MYH15: variants seen among roughly 807,000 people sequenced by gnomAD.
The protein encoded by MYH15 is myosin heavy chain 15, also known as myosin-15.
A neutral mutation model predicts 240.5 loss-of-function variants in MYH15; 227 were observed. The ratio of observed to expected loss-of-function variants is 0.94; its 90% CI spans 0.85 to 1.05. MYH15 has a LOEUF of 1.05. MYH15 is among the 50% of genes least tolerant of loss of function. The pLI is 0.00. For synonymous variants in MYH15, 785 were observed against 796.7 expected, an observed-to-expected ratio of 0.99 and a Z score of 0.25; for missense variants, 2,217 against 2,247.5, an observed-to-expected ratio of 0.99 and a Z score of 0.27.
At chr3:108,430,775 C>T in intron 26 of MYH15, 57 bp downstream of exon 26, 2 of 1,319,720 alleles carry the variant, frequency 1.5e-6, no homozygotes, top group Admixed American at 1.7e-5. Flanking sequence ...ATTGAACCAC[C>T]AGTCATCACC....
chr3:108,464,872 G>C, intron 14 of MYH15, 58 bp from the exon 15 acceptor site: 1 of 1,455,240 alleles, frequency 6.9e-7, no homozygotes, highest in Non-Finnish European at 9.2e-7. Context: ...CTTTCAGTAG[G>C]GGGTCAGTAT....
chr3:108,427,209 A>G (rs1488081023), intron 27 of MYH15, among the ~76,000 whole-genome samples: 1 of 152,202 alleles, frequency 6.6e-6, no homozygotes, highest in Non-Finnish European at 1.5e-5. Flanking sequence ...GAATGAATGT[A>G]TTTTGCTTAT....
rs771649700 is a variant in MYH15, at chr3:108,463,240, G to A, written c.1735C>T (p.Pro579Ser). Reference protein sequence around the residue: ...FELVHYAGVVPYNISGWLEKN... With the variant: ...FELVHYAGVVSYNISGWLEKN... The stretch of plus-strand genomic sequence containing the variant: ...TCCAGCCAACCACTGATATTATAAG[G>A]TACCTTTGGAAAGGCATGCATTTCA... Residue 579 changes from proline (P) to serine (S), a missense_variant, in exon 16 of 41, where the codon CCT (proline) becomes TCT (serine). Physicochemically the swap from Pro to Ser is moderately conservative, Grantham distance 74 (BLOSUM62 -1). Transcript: ENST00000693548. 1.2e-6 allele frequency: 2 copies of A among 1,603,346 alleles called. No individual in the cohort carries two copies. The highest frequency in any genetic ancestry group is 2.2e-5 in the East Asian group (1 of 44,792).
chr3:108,507,584 G>T (rs1395778176), intron 1 of MYH15, among the ~76,000 whole-genome samples: 1 of 152,098 alleles, frequency 6.6e-6, no homozygotes, highest in African/African-American at 2.4e-5. Flanking sequence ...CTGAAGTTGG[G>T]CACCATTTGC....
chr3:108,396,383 A>C (rs2082461143), intron 35 of MYH15, among the ~76,000 whole-genome samples: 1 of 152,104 alleles, frequency 6.6e-6, no homozygotes, highest in Non-Finnish European at 1.5e-5. Context: ...GTTCCACCTC[A>C]GATTATGAGG....
intron 36 of MYH15, 63 bp downstream of exon 36, chr3:108,393,968 C>T: frequency 6.2e-7 from 1 of 1,609,040 alleles, no homozygotes. Flanking sequence ...GTGGCCCTGC[C>T]CCTTGGCCAC....
intron 20 of MYH15, among the ~76,000 whole-genome samples, chr3:108,454,886 T>C (rs1241277037): frequency 2.6e-5 from 4 of 152,168 alleles, no homozygotes; most frequent in Admixed American, 2.0e-4. Context: ...ATTTGTGCCT[T>C]AGGAGTTTCA....
At chr3:108,408,067 T>C (rs899601065) in intron 32 of MYH15, among the ~76,000 whole-genome samples, 2 of 152,242 alleles carry the variant, frequency 1.3e-5, no homozygotes, top group African/African-American at 4.8e-5. Flanking sequence ...CTGTTGTGTA[T>C]CCTGCTCTCT....
chr3:108,449,729 T>C (rs1385919352), intron 21 of MYH15, among the ~76,000 whole-genome samples: 1 of 151,748 alleles, frequency 6.6e-6, no homozygotes, highest in Non-Finnish European at 1.5e-5. Context: ...AAATAGACAA[T>C]GGGATTACAT....
chr3:108,462,997 G>T, intron 16 of MYH15, 114 bp downstream of exon 16: 1 of 1,252,816 alleles, frequency 8.0e-7, no homozygotes, highest in Non-Finnish European at 1.1e-6. Context: ...GGACGACTCA[G>T]ACCACAGGGA....
intron 13 of MYH15, 122 bp downstream of exon 13, chr3:108,470,576 G>A (rs993349982): frequency 1.1e-6 from 1 of 873,592 alleles, no homozygotes; most frequent in Non-Finnish European, 1.7e-6. Context: ...TCCAAACAAG[G>A]TAGCCCTTAA....
chr3:108,545,822 A>G, the MYH15 span, among the ~76,000 whole-genome samples: 1 of 152,002 alleles, frequency 6.6e-6, no homozygotes, highest in African/African-American at 2.4e-5. Context: ...TACCTATTAT[A>G]TATTTCAGTA....
Position 108,519,798 on chromosome 3 carries a change from G to T in MYH15, c.-57-9211C>A, listed in dbSNP as rs1454197. On this transcript the variant is annotated intron_variant, in intron 1 of 41. Transcript: ENST00000273353. ...GCAGGTGCTGTTATTCAGCACAAAA[G>T]ACATGCATTAAATATATTTAGTGAT... Among the ~76,000 whole-genome samples, 119,759 of 152,072 alleles carry T rather than the reference G, an allele frequency of 0.79. 47,669 individuals carry two copies. The highest frequency in any genetic ancestry group is 0.85 in the Non-Finnish European group (57,768 of 68,000).
intron 5 of MYH15, among the ~76,000 whole-genome samples, chr3:108,499,075 C>T (rs76867235): frequency 6.6e-6 from 1 of 152,314 alleles, no homozygotes; most frequent in Non-Finnish European, 1.5e-5. Flanking sequence ...CCCACAACTG[C>T]TTGTTATCTG....
chr3:108,518,720 T>C (rs2083593658), intron 1 of MYH15, among the ~76,000 whole-genome samples: 2 of 152,190 alleles, frequency 1.3e-5, no homozygotes, highest in South Asian at 2.1e-4. Context: ...GCCGGGAACA[T>C]TCAGCCCTGT....
At chr3:108,426,189 T>TA (rs1235013236) in intron 27 of MYH15, among the ~76,000 whole-genome samples, 2 of 124,334 alleles carry the variant, frequency 1.6e-5, no homozygotes, top group African/African-American at 6.2e-5. Context: ...TTGTGAAGAA[T>TA]AAAAAAGTAT....
the MYH15 span, among the ~76,000 whole-genome samples, chr3:108,537,325 C>A: frequency 4.6e-5 from 7 of 152,264 alleles, no homozygotes; most frequent in South Asian, 1.5e-3. Flanking sequence ...GTCTATTCCT[C>A]TTTAGGCTCA....
At chr3:108,415,598 T>C (rs2082626652) in intron 29 of MYH15, among the ~76,000 whole-genome samples, 2 of 152,112 alleles carry the variant, frequency 1.3e-5, no homozygotes, top group South Asian at 4.1e-4. Context: ...GGCAAATACA[T>C]TAATAAATAA....
chr3:108,437,185 A>ATTTTTTTTT (rs10714366), intron 25 of MYH15, among the ~76,000 whole-genome samples: 1 of 142,504 alleles, frequency 7.0e-6, no homozygotes. Context: ...ATCAGGATCA[A>ATTTTTTTTT]TTTTTTTTTT....
Sources: allele counts gnomAD v4.1 joint callset (sites outside exome capture counted in the v4.1 genomes callset), GRCh38; gene constraint gnomAD v4.1.1; transcripts MANE v1.5; gene names NCBI Gene and HGNC (gene_info 2026-07-23, HGNC 2026-07-21).